Variants in TCFL5 observed in about 807,000 individuals in gnomAD.
TCFL5 encodes the protein transcription factor-like 5 protein.
A neutral mutation model predicts 44.3 loss-of-function variants in TCFL5; 9 were observed. The observed-to-expected ratio is 0.20, with a 90% confidence interval of 0.12 to 0.35. TCFL5 has a LOEUF of 0.35. Ranked by LOEUF, TCFL5 falls within the 10% of genes least tolerant of loss-of-function variation. The probability of loss-of-function intolerance (pLI) is 1.00; values close to 1 mark genes in which losing one functional copy is unlikely to be tolerated. For missense variants in TCFL5, 603 were observed against 613.4 expected (o/e 0.98, Z 0.18); for synonymous variants, 319 against 271.6 (o/e 1.17, Z -1.72).
rs750427022 is a variant in TCFL5, at chr20:62,842,905, T to C, written c.1381-808A>G. Among the ~76,000 whole-genome samples the C allele has an allele frequency of 2.9e-4, 44 of 152,178 alleles. No homozygotes were observed. The highest frequency in any genetic ancestry group is 1.8e-3 in the Admixed American group (27 of 15,278). ...AAGGTGGAGGTGCTGCTCGCTGAGATGGCTCTGTCCTTGGGGAGACCCTGC... is the reference window on the plus strand; with the variant it reads ...AAGGTGGAGGTGCTGCTCGCTGAGACGGCTCTGTCCTTGGGGAGACCCTGC... On this transcript the variant is annotated intron_variant, in intron 5 of 5. Coordinates refer to ENST00000335351, the MANE Select transcript of TCFL5 (RefSeq NM_006602.4). The surrounding 1 kb of genome is among the most constrained non-coding windows in gnomAD (Gnocchi z 4.3).
intron 4 of TCFL5, among the ~76,000 whole-genome samples, chr20:62,856,047 G>A (rs150903037): frequency 0.021 from 3,176 of 150,200 alleles, 114 homozygotes; most frequent in African/African-American, 0.073. Context: ...TCAGGAGTTC[G>A]AGACCAACCT....
At position 62,845,724 on chromosome 20, in the gene TCFL5, A is replaced by G. The variant is rs1568775712; in HGVS notation, c.1381-3627T>C. ...CTTCCAATATGACGAGGACTCGGAG[A>G]CATATTTCTGTCCCTGCCCATGCGG... On this transcript the variant is annotated intron_variant, in intron 5 of 5. Transcript: ENST00000335351. 5 of 1,606,536 alleles carry G rather than the reference A, an allele frequency of 3.1e-6. No homozygotes were observed. The African/African-American group carries it at 5.3e-5, about 17-fold the overall frequency.
rs1247624146 is a variant in TCFL5 at position 62,841,506 on chromosome 20, G to T, written c.*469C>A. On this transcript the variant is annotated 3_prime_UTR_variant, in exon 6 of 6. Transcript: ENST00000335351. ...ACGTGACTCAGAGTCATGACAAGGG[G>T]GTGTGATATAACGAATGAAATAAAA... is the stretch of plus-strand genomic sequence containing the variant. 6.4e-6 allele frequency: 1 copy of T among 155,202 alleles called. No individual in the cohort carries two copies. The highest frequency in any genetic ancestry group is 3.4e-3 in the Middle Eastern group (1 of 296). 9.6% of individuals were successfully genotyped at this position (155,202 alleles called of 1,614,324 possible).
At chr20:62,854,192 A>C in intron 4 of TCFL5, 35 bp from the exon 5 acceptor site, 1 of 1,608,946 alleles carries the variant, frequency 6.2e-7, no homozygotes, top group Non-Finnish European at 8.5e-7. Flanking sequence ...ACCGAGAGAG[A>C]CCGGAGCAAA....
At position 62,845,823 on chromosome 20, in the gene TCFL5, A is replaced by G. The variant is rs1055204751; in HGVS notation, c.1381-3726T>C. ...GGCAATGTGTCCAGGCTGCTCTCTC[A>G]TTATAAAAGTGATTTATGACAAAGA... On this transcript the variant is annotated intron_variant, in intron 5 of 5. Transcript: ENST00000335351. 6 of 1,599,306 alleles carry G rather than the reference A, an allele frequency of 3.8e-6. No homozygotes were observed. The African/African-American group carries it at 5.4e-5, about 14-fold the overall frequency.
In TCFL5 at chr20:62,841,067, C is replaced by A; in HGVS notation, c.*908G>T. The A allele has an allele frequency of 3.7e-6, 1 of 269,164 alleles. No homozygotes were observed. Among genetic ancestry groups the A allele is most frequent in the Non-Finnish European group, 7.2e-6 (1 of 138,176 alleles). The allele number at this position is 269,164 out of a possible 1,614,324, so 16.7% of individuals were successfully genotyped here. A position where few individuals can be genotyped will look rare whatever the true frequency, so the allele number is the denominator to read the frequency against. On this transcript the variant is annotated 3_prime_UTR_variant, in exon 6 of 6. Transcript: ENST00000335351. ...TTTGTGTAAAGACTATGATCTCATC[C>A]CAATAAAATGATATATTAAACCTTC...
In TCFL5 at chr20:62,842,015, T is replaced by C; in HGVS notation, c.1463A>G (p.Gln488Arg). 1.2e-6 allele frequency: 2 copies of C among 1,614,210 alleles called. No homozygotes were observed. The highest frequency in any genetic ancestry group is 1.7e-6 in the Non-Finnish European group (2 of 1,180,028). ...RPDSLVTCPA[Q>R]GSLQSSPSME... ...CGAGGGGCTGCTCTGTAAACTCCCC[T>C]GTGCAGGACAGGTCACCAAGGAGTC... The change falls in exon 6 of 6, where the codon CAG becomes CGG. Residue 488 changes from glutamine (Q) to arginine (R), a missense_variant. By Grantham distance (43) the Gln-to-Arg change is conservative. This residue lies in a region of TCFL5 where 41 missense variants were observed against 61.4 expected (regional missense o/e 0.67). Transcript: ENST00000335351. The surrounding 1 kb of genome is among the most constrained non-coding windows in gnomAD (Gnocchi z 4.3).
Position 62,860,142 on chromosome 20 carries a change from T to A in TCFL5, c.814A>T (p.Asn272Tyr). Reference protein sequence around the residue: ...TNACSTSGNSNLSQTQSSSNS... With the variant: ...TNACSTSGNSYLSQTQSSSNS... ...TTCCCTACCTGTGTCTGTGAAAGAT[T>A]AGAATTTCCACTAGTAGAGCAAGCA... The change falls in exon 2 of 6, where the codon AAT (asparagine) becomes TAT (tyrosine). Residue 272 changes from asparagine to tyrosine, a missense_variant. Physicochemically the swap from Asn to Tyr is moderately radical, Grantham distance 143 (BLOSUM62 -2). Transcript: ENST00000335351. 6.2e-7 allele frequency: 1 copy of A among 1,608,806 alleles called. No homozygotes were observed. The highest frequency in any genetic ancestry group is 1.1e-5 in the South Asian group (1 of 90,928).
At chr20:62,850,938 G>C (rs1314958049) in intron 5 of TCFL5, among the ~76,000 whole-genome samples, 2 of 152,010 alleles carry the variant, frequency 1.3e-5, no homozygotes, top group Non-Finnish European at 2.9e-5. Context: ...GCAAGGCCCT[G>C]CTCCCACTGT....
chr20:62,852,506 T>C lies in TCFL5; in HGVS notation c.1380+1510A>G, dbSNP rs948280518. 6.1e-6 allele frequency: 6 copies of C among 985,362 alleles called. No individual in the cohort carries two copies. In the Admixed American group the frequency reaches 1.8e-4, roughly 30 times the overall value. 61.0% of individuals were successfully genotyped at this position (985,362 alleles called of 1,614,324 possible). On this transcript the variant is annotated intron_variant, in intron 5 of 5. Coordinates refer to ENST00000335351, the MANE Select transcript of TCFL5 (RefSeq NM_006602.4). ...TCCTGCATTCAAATCACACGTCTAG[T>C]TCCAGCCAACCACGATGGCTTGCTG...
intron 5 of TCFL5, chr20:62,851,421 C>A (rs2063807971): frequency 3.0e-6 from 2 of 674,476 alleles, no homozygotes; most frequent in Non-Finnish European, 3.7e-6. Flanking sequence ...ATTATAAATG[C>A]CTTCGTCTTG....
intron 5 of TCFL5, chr20:62,845,937 T>C: frequency 6.8e-7 from 1 of 1,481,070 alleles, no homozygotes; most frequent in Non-Finnish European, 9.1e-7. Context: ...ATCCGAACCC[T>C]GAACAGCTGG....
intron 5 of TCFL5, among the ~76,000 whole-genome samples, chr20:62,847,096 T>C (rs976518191): frequency 6.6e-6 from 1 of 151,700 alleles, no homozygotes; most frequent in African/African-American, 2.4e-5. Flanking sequence ...GGCAGGAGAA[T>C]TGCTTGAACC....
At chr20:62,854,362 A>G (rs1033860939) in intron 4 of TCFL5, among the ~76,000 whole-genome samples, 1 of 152,208 alleles carries the variant, frequency 6.6e-6, no homozygotes, top group East Asian at 1.9e-4. Context: ...CAGAGGCCAG[A>G]GCATCCTCGG....
chr20:62,853,630 C>T (rs892643543), intron 5 of TCFL5, among the ~76,000 whole-genome samples: 2 of 152,200 alleles, frequency 1.3e-5, no homozygotes, highest in South Asian at 2.1e-4. Context: ...GGATTACAGA[C>T]GTGAACCACT....
rs2063732410 is a variant in TCFL5, at chr20:62,845,647, A to T, written c.1381-3550T>A. 19 of 1,605,142 alleles carry T rather than the reference A, an allele frequency of 1.2e-5. No homozygotes were observed. The East Asian group carries it at 4.3e-4, about 36-fold the overall frequency. ...CGGACTGCTGGGGCGTCACCCCTTCAGCAACCCCCGCTGACCATGGCAGTA... is the reference window on the plus strand; with the variant it reads ...CGGACTGCTGGGGCGTCACCCCTTCTGCAACCCCCGCTGACCATGGCAGTA... On this transcript the variant is annotated intron_variant, in intron 5 of 5. Coordinates refer to ENST00000335351, the MANE Select transcript of TCFL5 (RefSeq NM_006602.4).
chr20:62,849,734 G>A (rs1487927691), intron 5 of TCFL5, among the ~76,000 whole-genome samples: 6 of 152,130 alleles, frequency 3.9e-5, no homozygotes, highest in Admixed American at 3.9e-4. Flanking sequence ...TGAGGCAGGA[G>A]GATCACTTGA....
At chr20:62,859,269 A>G in intron 3 of TCFL5, 95 bp downstream of exon 3, 2 of 1,270,718 alleles carry the variant, frequency 1.6e-6, no homozygotes, top group Non-Finnish European at 2.2e-6. Flanking sequence ...ATGTGTACAA[A>G]CCATCTGTCT....
At chr20:62,847,627 C>T (rs948195832) in intron 5 of TCFL5, among the ~76,000 whole-genome samples, 8 of 152,218 alleles carry the variant, frequency 5.3e-5, no homozygotes, top group African/African-American at 7.2e-5. Flanking sequence ...CACAACACAG[C>T]GTTCGGCTCA....
Sources: allele counts gnomAD v4.1 joint callset (sites outside exome capture counted in the v4.1 genomes callset), GRCh38; gene constraint gnomAD v4.1.1; regional missense constraint gnomAD v4.1.1; non-coding constraint Gnocchi (gnomAD v3.1); transcripts MANE v1.5; gene names NCBI Gene and HGNC (gene_info 2026-07-23, HGNC 2026-07-21).